Variants in ZNF257 observed in about 807,000 individuals in gnomAD.
The protein encoded by ZNF257 is bone marrow zinc finger 4.
A neutral mutation model predicts 11.9 loss-of-function variants in ZNF257; 12 were observed. The observed-to-expected ratio is 1.01, with a 90% confidence interval of 0.65 to 1.63. The LOEUF is 1.63. Ranked by LOEUF, ZNF257 falls within the 40% of genes most tolerant of loss-of-function variation. The pLI is 0.00. For synonymous variants in ZNF257, 183 were observed against 222.7 expected, an observed-to-expected ratio of 0.82 and a Z score of 1.59; for missense variants, 580 against 665.5, an observed-to-expected ratio of 0.87 and a Z score of 1.41.
chr19:22,082,661 T>C (rs1599672817), intron 3 of ZNF257, among the ~76,000 whole-genome samples: 2 of 152,314 alleles, frequency 1.3e-5, no homozygotes, highest in Middle Eastern at 6.8e-3. Flanking sequence ...AAGTAAACTC[T>C]GTATTACTTT....
chr19:22,061,108 T>C (rs902479494), intron 1 of ZNF257, among the ~76,000 whole-genome samples: 22 of 150,996 alleles, frequency 1.5e-4, no homozygotes, highest in African/African-American at 5.3e-4. Flanking sequence ...TTTGGGCTCT[T>C]TTTTTTTTGT....
chr19:22,059,302 C>A (rs910469340), intron 1 of ZNF257, among the ~76,000 whole-genome samples: 1 of 152,198 alleles, frequency 6.6e-6, no homozygotes, highest in African/African-American at 2.4e-5. Flanking sequence ...GTCCTCCCAT[C>A]ATCCACCATC....
intron 3 of ZNF257, among the ~76,000 whole-genome samples, chr19:22,082,813 A>G (rs2022391485): frequency 6.6e-6 from 1 of 152,156 alleles, no homozygotes; most frequent in African/African-American, 2.4e-5. Flanking sequence ...ATGACATCTC[A>G]TACCAGTTAA....
At chr19:22,085,922 CT>C (rs1229782563) in intron 3 of ZNF257, among the ~76,000 whole-genome samples, 2 of 152,092 alleles carry the variant, frequency 1.3e-5, no homozygotes, top group African/African-American at 2.4e-5. Flanking sequence ...AATCTTGCCA[CT>C]TTCAGGCTTT....
At chr19:22,062,315 G>T (rs565177104) in intron 1 of ZNF257, among the ~76,000 whole-genome samples, 4 of 149,242 alleles carry the variant, frequency 2.7e-5, no homozygotes, top group African/African-American at 9.8e-5. Flanking sequence ...TCGTAGAGAC[G>T]GGGTTTCACC....
intron 1 of ZNF257, among the ~76,000 whole-genome samples, chr19:22,062,959 A>G (rs2021842796): frequency 6.6e-6 from 1 of 152,094 alleles, no homozygotes; most frequent in Admixed American, 6.6e-5. Context: ...TCAGCTGCAA[A>G]TTTCTCTGGT....
chr19:22,052,515 G>T lies in ZNF257; in HGVS notation c.-118G>T. On this transcript the variant is annotated 5_prime_UTR_variant, in exon 1 of 4. Transcript: ENST00000594947. ...TCTCTCGCTCTAGCCCGAGCTGCAG[G>T]TCTCGTCTTCCCTGGTCTGTGTCCT... 8.0e-7 allele frequency: 1 copy of T among 1,254,554 alleles called. No individual in the cohort carries two copies. The highest frequency in any genetic ancestry group is 1.1e-6 in the Non-Finnish European group (1 of 875,692). The allele number at this position is 1,254,554 out of a possible 1,614,324, so 77.7% of individuals were successfully genotyped here.
intron 1 of ZNF257, among the ~76,000 whole-genome samples, chr19:22,063,065 T>C (rs2021844755): frequency 1.3e-5 from 2 of 152,102 alleles, no homozygotes; most frequent in African/African-American, 2.4e-5. Context: ...TTGTGTGGAG[T>C]CTTGGCAGGA....
At chr19:22,061,093 G>A (rs2021783602) in intron 1 of ZNF257, among the ~76,000 whole-genome samples, 1 of 144,936 alleles carries the variant, frequency 6.9e-6, no homozygotes, top group Admixed American at 6.7e-5. Flanking sequence ...GGATTGCCTT[G>A]GCTATTTGGG....
chr19:22,084,206 A>G (rs2022423339), intron 3 of ZNF257, among the ~76,000 whole-genome samples: 1 of 152,110 alleles, frequency 6.6e-6, no homozygotes, highest in African/African-American at 2.4e-5. Flanking sequence ...TATCTATTGA[A>G]TAATTTGGTG....
In ZNF257 at chr19:22,089,245, T is replaced by C. The variant is rs745871357; in HGVS notation, c.1495T>C (p.Ser499Pro). The C allele has an allele frequency of 2.5e-6, 4 of 1,613,536 alleles. No individual in the cohort carries two copies. In the South Asian group the frequency reaches 3.3e-5, roughly 13 times the overall value. Reference protein sequence around the residue: ...CEECGKAFNRSSHLSQHKIIH... With the variant: ...CEECGKAFNRPSHLSQHKIIH... ...AGAATGTGGCAAAGCCTTTAACCGG[T>C]CTTCACACCTTTCTCAACATAAGAT... is the stretch of plus-strand genomic sequence containing the variant. Residue 499 changes from serine (S) to proline (P), a missense_variant, in exon 4 of 4, where the codon TCT (serine) becomes CCT (proline). By Grantham distance (74) the Ser-to-Pro change is moderately conservative. Coordinates refer to ENST00000594947, the MANE Select transcript of ZNF257 (RefSeq NM_033468.4).
Position 22,089,066 on chromosome 19 carries a change from C to T in ZNF257, c.1316C>T (p.Ala439Val). The T allele has an allele frequency of 6.2e-7, 1 of 1,613,468 alleles. No individual in the cohort carries two copies. The highest frequency in any genetic ancestry group is 8.5e-7 in the Non-Finnish European group (1 of 1,179,790). Residue 439 changes from alanine (A) to valine (V), a missense_variant, in exon 4 of 4, where the codon GCC becomes GTC. Physicochemically the swap from Ala to Val is moderately conservative, Grantham distance 64 (BLOSUM62 0). Coordinates refer to ENST00000594947, the MANE Select transcript of ZNF257 (RefSeq NM_033468.4). Reference protein sequence around the residue: ...KPYKCEECGKAFNRSSYLIRH... With the variant: ...KPYKCEECGKVFNRSSYLIRH... ...TACAAATGTGAAGAGTGTGGCAAAG[C>T]CTTTAACCGGTCTTCATACCTTATT...
Position 22,089,591 on chromosome 19 carries a change from G to T in ZNF257, c.*149G>T. ...TTAACAAATCCTCAACATTTACTAA[G>T]CATAAAATAATTCATGCTGGAGAGA... On this transcript the variant is annotated 3_prime_UTR_variant, in exon 4 of 4. Coordinates refer to ENST00000594947, the MANE Select transcript of ZNF257 (RefSeq NM_033468.4). 2 of 1,449,348 alleles carry T rather than the reference G, an allele frequency of 1.4e-6. No individual in the cohort carries two copies. The highest frequency in any genetic ancestry group is 1.5e-5 in the South Asian group (1 of 66,028). The allele number at this position is 1,449,348 out of a possible 1,614,324, so 89.8% of individuals were successfully genotyped here. A position where few individuals can be genotyped will look rare whatever the true frequency, so the allele number is the denominator to read the frequency against.
chr19:22,079,272 C>T (rs578125759), intron 3 of ZNF257, among the ~76,000 whole-genome samples: 12 of 152,132 alleles, frequency 7.9e-5, no homozygotes, highest in Non-Finnish European at 1.8e-4. Flanking sequence ...TTTATTTTAG[C>T]TTCTAGTATG....
intron 1 of ZNF257, among the ~76,000 whole-genome samples, chr19:22,056,978 C>CT (rs1418680198): frequency 6.6e-6 from 1 of 152,136 alleles, no homozygotes; most frequent in East Asian, 1.9e-4. Flanking sequence ...GCATCAGTTT[C>CT]TTTTTTTGCA....
rs766712192 is a variant in ZNF257 at position 22,088,228 on chromosome 19, T to C, written c.478T>C (p.Ser160Pro). The change falls in exon 4 of 4, where the codon TCA (serine) becomes CCA (proline). Residue 160 changes from serine (S) to proline (P), a missense_variant. Coordinates refer to ENST00000594947, the MANE Select transcript of ZNF257 (RefSeq NM_033468.4). ...YVKVFYKFSNSDRHKIRHTEK... is the reference protein window; with the variant it reads ...YVKVFYKFSNPDRHKIRHTEK... ...AAAAGTCTTCTATAAGTTTTCAAAT[T>C]CAGATAGACATAAGATAAGACATAC... The C allele has an allele frequency of 1.2e-6, 2 of 1,608,934 alleles. No homozygotes were observed. The highest frequency in any genetic ancestry group is 3.4e-5 in the Admixed American group (2 of 58,660).
intron 1 of ZNF257, among the ~76,000 whole-genome samples, chr19:22,067,989 C>T (rs775521460): frequency 3.3e-5 from 5 of 151,118 alleles, no homozygotes; most frequent in Non-Finnish European, 5.9e-5. Flanking sequence ...AAGCTGTAAA[C>T]CTTACTGATG....
chr19:22,084,733 A>AG (rs971371427), intron 3 of ZNF257, among the ~76,000 whole-genome samples: 1 of 132,902 alleles, frequency 7.5e-6, no homozygotes, highest in African/African-American at 2.9e-5. Context: ...ATAAAATTTT[A>AG]GGGTTTTTTT....
At chr19:22,066,684 G>C (rs572915194) in intron 1 of ZNF257, among the ~76,000 whole-genome samples, 1 of 152,208 alleles carries the variant, frequency 6.6e-6, no homozygotes, top group Admixed American at 6.5e-5. Flanking sequence ...TGGCAAAACT[G>C]CCTTTTGTCA....
Sources: gnomAD v4.1 joint callset for allele counts (sites outside exome capture counted in the v4.1 genomes callset) on GRCh38, gnomAD v4.1.1 for gene constraint, MANE v1.5 for transcripts, NCBI Gene and HGNC (gene_info 2026-07-23, HGNC 2026-07-21) for gene names.